The following PHF24 variants were observed in gnomAD, a reference collection of about 807,000 sequenced individuals.
PHF24 encodes the protein PHD finger protein 24, also known as Galpha inhibitory interacting protein.
In PHF24, 25 loss-of-function variants were observed where a neutral mutation model predicts 42.6. That is an observed-to-expected ratio of 0.59 (90% CI 0.43 to 0.82). The LOEUF (loss-of-function observed/expected upper bound fraction) is 0.82. Among genes scored for constraint, PHF24 ranks in the 40% least tolerant of loss-of-function variants. The pLI, the probability that PHF24 is intolerant of heterozygous loss-of-function variation, is 0.00. For missense variants in PHF24, 470 were observed against 538.1 expected (o/e 0.87, Z 1.25); for synonymous variants, 185 against 204.8 (o/e 0.90, Z 0.83).
chr9:34,908,836 T>C, the PHF24 span, among the ~76,000 whole-genome samples: 1 of 144,966 alleles, frequency 6.9e-6, no homozygotes, highest in Non-Finnish European at 1.5e-5. Context: ...TCTTTTCTTT[T>C]CTTTTCTTTT....
At chr9:34,712,513 C>T in the PHF24 span, among the ~76,000 whole-genome samples, 1 of 151,946 alleles carries the variant, frequency 6.6e-6, no homozygotes, top group East Asian at 1.9e-4. Flanking sequence ...GAATACTGAT[C>T]CTTTTTTTTC....
chr9:34,975,020 G>A (rs1827137039), intron 3 of PHF24, among the ~76,000 whole-genome samples: 1 of 151,950 alleles, frequency 6.6e-6, no homozygotes. Context: ...GGACTGTTGC[G>A]GCAGCCCCCA....
the PHF24 span, among the ~76,000 whole-genome samples, chr9:34,870,572 T>G: frequency 1.7e-5 from 1 of 58,456 alleles, no homozygotes; most frequent in African/African-American, 4.7e-5. Context: ...TTTAAGGTTC[T>G]TCCATGTCTT....
chr9:34,930,737 C>G, the PHF24 span, among the ~76,000 whole-genome samples: 5 of 152,178 alleles, frequency 3.3e-5, no homozygotes, highest in Non-Finnish European at 7.3e-5. Flanking sequence ...GGAACTAGCC[C>G]AGATTACCTT....
chr9:34,922,568 A>G, the PHF24 span: 3 of 975,298 alleles, frequency 3.1e-6, no homozygotes, highest in African/African-American at 3.2e-5. Flanking sequence ...TCATTTTCAA[A>G]TAGAAGAATT....
the PHF24 span, among the ~76,000 whole-genome samples, chr9:34,828,062 G>A: frequency 0.038 from 5,727 of 151,736 alleles, 267 homozygotes; most frequent in East Asian, 0.096. Context: ...AAAAGTTTCC[G>A]TAGTAACTTC....
At chr9:34,977,941 C>T (rs1420260257) in intron 7 of PHF24, 74 bp from the exon 8 acceptor site, 1 of 1,180,188 alleles carries the variant, frequency 8.5e-7, no homozygotes, top group African/African-American at 1.5e-5. Flanking sequence ...CTCCTCAAGC[C>T]ATGCTGCCCC....
At chr9:34,759,849 C>G in the PHF24 span, among the ~76,000 whole-genome samples, 1 of 152,222 alleles carries the variant, frequency 6.6e-6, no homozygotes, top group Non-Finnish European at 1.5e-5. Context: ...TGCCTCAGAG[C>G]TCAGCCAAGG....
At chr9:34,709,513 T>TG in the PHF24 span, 2 of 1,614,106 alleles carry the variant, frequency 1.2e-6, no homozygotes, top group Non-Finnish European at 1.7e-6. Flanking sequence ...TTGCAGCCTT[T>TG]GGAGCCCTTT....
chr9:34,802,785 C>CTCTGATCCTCCTA, the PHF24 span, among the ~76,000 whole-genome samples: 1 of 152,156 alleles, frequency 6.6e-6, no homozygotes, highest in East Asian at 1.9e-4. Flanking sequence ...AAGGCTGAGC[C>CTCTGATCCTCCTA]TCTGATCCTC....
chr9:34,718,370 T>A, the PHF24 span, among the ~76,000 whole-genome samples: 1 of 152,172 alleles, frequency 6.6e-6, no homozygotes, highest in Non-Finnish European at 1.5e-5. Flanking sequence ...CTGGCCTCAC[T>A]GTTTCTGGGC....
the PHF24 span, among the ~76,000 whole-genome samples, chr9:34,940,742 G>A: frequency 6.6e-6 from 1 of 152,240 alleles, no homozygotes; most frequent in Admixed American, 6.5e-5. Context: ...AGTTGTGTAA[G>A]TGTCCATTTG....
At chr9:34,798,316 A>G in the PHF24 span, among the ~76,000 whole-genome samples, 33 of 152,296 alleles carry the variant, frequency 2.2e-4, no homozygotes, top group East Asian at 6.0e-3. Flanking sequence ...CCATCACCCA[A>G]ATAGTGAATA....
chr9:34,958,118 G>A (rs974040789), upstream of PHF24, among the ~76,000 whole-genome samples: 20 of 148,764 alleles, frequency 1.3e-4, no homozygotes, highest in African/African-American at 4.9e-4. The surrounding 1 kb of genome is among the most constrained non-coding windows in gnomAD (Gnocchi z 4.5). Context: ...TCCTGGAGGC[G>A]CAAGAGGACT....
the PHF24 span, among the ~76,000 whole-genome samples, chr9:34,897,982 G>A: frequency 6.6e-6 from 1 of 152,150 alleles, no homozygotes; most frequent in Non-Finnish European, 1.5e-5. Context: ...ATCTCATCCA[G>A]GTCGCTGCAA....
intron 5 of PHF24, 114 bp downstream of exon 5, chr9:34,976,854 G>A: frequency 2.0e-6 from 2 of 1,004,698 alleles, no homozygotes; most frequent in South Asian, 1.6e-5. Flanking sequence ...CAAGTATCAG[G>A]AATGGGCTCA....
chr9:34,952,928 C>A (rs1313706391), upstream of PHF24, among the ~76,000 whole-genome samples: 1 of 152,184 alleles, frequency 6.6e-6, no homozygotes, highest in Non-Finnish European at 1.5e-5. Flanking sequence ...TATACAAAAT[C>A]AGGAATTTCA....
At chr9:34,802,862 C>T in the PHF24 span, among the ~76,000 whole-genome samples, 2 of 152,258 alleles carry the variant, frequency 1.3e-5, no homozygotes, top group Admixed American at 6.5e-5. Flanking sequence ...TCACTTTGAC[C>T]TTCACTGACT....
chr9:34,838,259 G>A, the PHF24 span: 1 of 651,844 alleles, frequency 1.5e-6, no homozygotes, highest in East Asian at 2.7e-5. Context: ...GGGGGAGAGG[G>A]GAAGTGGGGT....
Sources: gnomAD v4.1 joint callset for allele counts (sites outside exome capture counted in the v4.1 genomes callset) on GRCh38, gnomAD v4.1.1 for gene constraint, Gnocchi (gnomAD v3.1) non-coding constraint, MANE v1.5 for transcripts, NCBI Gene and HGNC (gene_info 2026-07-23, HGNC 2026-07-21) for gene names.